Variants in SCD5 observed in about 807,000 individuals in gnomAD.
The protein encoded by SCD5 is acyl-CoA-desaturase 4.
SCD5 carries 20 observed loss-of-function variants against 30.4 expected under a neutral mutation model. The ratio of observed to expected loss-of-function variants is 0.66; its 90% CI spans 0.46 to 0.96. The LOEUF (loss-of-function observed/expected upper bound fraction) is 0.96. SCD5 is among the 40% of genes least tolerant of loss of function. SCD5 has a pLI of 0.00. For missense variants in SCD5, 381 were observed against 443.3 expected (o/e 0.86, Z 1.26); for synonymous variants, 173 against 176.4 (o/e 0.98, Z 0.16).
intron 1 of SCD5, among the ~76,000 whole-genome samples, chr4:82,740,864 G>C (rs1180697588): frequency 1.3e-5 from 2 of 152,046 alleles, no homozygotes; most frequent in Non-Finnish European, 2.9e-5. Context: ...GACAGAGGCA[G>C]AATTCTGTGT....
In SCD5 at chr4:82,636,644, T is replaced by C. The variant is rs1357732790; in HGVS notation, c.749A>G (p.Tyr250Cys). ...CTGCCGAGGGCTGATGTGCTTGTCA[T>C]AGGGCCGGTTTCCATACATGTGGGC... ...SAAHMYGNRP[Y>C]DKHISPRQNP... The change falls in exon 4 of 5, where the codon TAT becomes TGT. Residue 250 changes from tyrosine (Y) to cysteine (C), a missense_variant. Transcript: ENST00000319540. The C allele has an allele frequency of 3.7e-6, 6 of 1,614,076 alleles. No homozygotes were observed. The highest frequency in any genetic ancestry group is 3.3e-4 in the Middle Eastern group (2 of 6,084).
chr4:82,728,840 C>T (rs1245332292), intron 1 of SCD5, among the ~76,000 whole-genome samples: 8 of 152,158 alleles, frequency 5.3e-5, no homozygotes, highest in South Asian at 4.1e-4. Context: ...ACTGCAATGC[C>T]GTTGTCTCAG....
chr4:82,717,051 G>T lies in SCD5; in HGVS notation c.233-11638C>A, dbSNP rs1355725658. Among the ~76,000 whole-genome samples, 6 of 151,726 alleles carry T rather than the reference G, an allele frequency of 4.0e-5. 1 individual carries two copies. Among genetic ancestry groups the T allele is most frequent in the African/African-American group, 1.5e-4 (6 of 41,024 alleles). Reference sequence around the variant, plus strand: ...AAATACTATGCCATTTCATATAAGGGACTCAAGCATCTGTGAATTTTAGTA... The same window carrying T: ...AAATACTATGCCATTTCATATAAGGTACTCAAGCATCTGTGAATTTTAGTA... On this transcript the variant is annotated intron_variant, in intron 1 of 4. Coordinates refer to ENST00000319540, the MANE Select transcript of SCD5 (RefSeq NM_001037582.3).
At chr4:82,640,368 C>T (rs982679928) in intron 3 of SCD5, among the ~76,000 whole-genome samples, 6 of 152,166 alleles carry the variant, frequency 3.9e-5, no homozygotes, top group African/African-American at 1.4e-4. Flanking sequence ...AGGCACATTG[C>T]CTCTTCCTCA....
chr4:82,761,032 T>C (rs1289466930), intron 1 of SCD5, among the ~76,000 whole-genome samples: 1 of 152,214 alleles, frequency 6.6e-6, no homozygotes, highest in Non-Finnish European at 1.5e-5. Context: ...GGAATGGACA[T>C]TCACAGGGAT....
intron 2 of SCD5, among the ~76,000 whole-genome samples, chr4:82,688,886 T>C (rs1728769379): frequency 6.6e-6 from 1 of 152,260 alleles, no homozygotes; most frequent in East Asian, 1.9e-4. Flanking sequence ...AAAAACCACA[T>C]ATTTAACACA....
At chr4:82,641,105 C>T (rs1055032478) in intron 3 of SCD5, among the ~76,000 whole-genome samples, 1 of 151,872 alleles carries the variant, frequency 6.6e-6, no homozygotes, top group Non-Finnish European at 1.5e-5. Flanking sequence ...AGAAGGTGAA[C>T]AAGGCCGGGC....
At chr4:82,768,091 A>G (rs1721531577) in intron 1 of SCD5, among the ~76,000 whole-genome samples, 1 of 152,238 alleles carries the variant, frequency 6.6e-6, no homozygotes, top group Non-Finnish European at 1.5e-5. Flanking sequence ...TATAAAAATA[A>G]TAACTAGCAA....
At chr4:82,783,645 A>C (rs770680110) in intron 1 of SCD5, among the ~76,000 whole-genome samples, 4 of 152,070 alleles carry the variant, frequency 2.6e-5, no homozygotes, top group Admixed American at 6.5e-5. Context: ...CTCTACGAAA[A>C]TAACAAAATT....
chr4:82,679,723 T>C (rs1728527155), intron 3 of SCD5, among the ~76,000 whole-genome samples: 1 of 151,830 alleles, frequency 6.6e-6, no homozygotes, highest in Admixed American at 6.6e-5. Context: ...GCTCTACTGC[T>C]CCCCTCAGCG....
chr4:82,647,941 A>C lies in SCD5; in HGVS notation c.570-11118T>G, dbSNP rs535349456. ...TTTGCCCTCTTAATCACAGTTTATG[A>C]AACAAACTTGACCTTCCTTGATAGT... On this transcript the variant is annotated intron_variant, in intron 3 of 4. Coordinates refer to ENST00000319540, the MANE Select transcript of SCD5 (RefSeq NM_001037582.3). Among the ~76,000 whole-genome samples the C allele has an allele frequency of 2.4e-4, 37 of 152,366 alleles. No homozygotes were observed. The South Asian group carries it at 7.7e-3, about 32-fold the overall frequency.
At chr4:82,631,781 T>A (rs1009005205) in intron 4 of SCD5, among the ~76,000 whole-genome samples, 1 of 152,220 alleles carries the variant, frequency 6.6e-6, no homozygotes, top group African/African-American at 2.4e-5. Context: ...AGAGCTATCC[T>A]TCTTAAGGTA....
At chr4:82,660,631 G>A (rs942241620) in intron 3 of SCD5, 2 of 1,365,316 alleles carry the variant, frequency 1.5e-6, no homozygotes, top group African/African-American at 2.9e-5. Flanking sequence ...TGCTCTAGAT[G>A]TGGAAATAGA....
chr4:82,714,976 C>G (rs956799050), intron 1 of SCD5, among the ~76,000 whole-genome samples: 3 of 151,504 alleles, frequency 2.0e-5, no homozygotes, highest in African/African-American at 7.4e-5. Context: ...GTGGCTCACA[C>G]CTGTTATCCC....
intron 1 of SCD5, among the ~76,000 whole-genome samples, chr4:82,721,615 A>G (rs183835844): frequency 8.1e-4 from 124 of 152,318 alleles, no homozygotes; most frequent in African/African-American, 2.9e-3. Context: ...AGATATACAC[A>G]AAAGGAAAAC....
chr4:82,696,466 G>C (rs1578025860), intron 2 of SCD5, among the ~76,000 whole-genome samples: 1 of 152,334 alleles, frequency 6.6e-6, no homozygotes, highest in East Asian at 1.9e-4. Context: ...AGGCCTCACT[G>C]TGTCTGTTAG....
chr4:82,707,076 C>T (rs1207011891), intron 1 of SCD5, among the ~76,000 whole-genome samples: 4 of 152,176 alleles, frequency 2.6e-5, no homozygotes, highest in Non-Finnish European at 5.9e-5. Flanking sequence ...TTCTATGATC[C>T]TTGTGGAGAC....
intron 1 of SCD5, among the ~76,000 whole-genome samples, chr4:82,766,760 T>G (rs1046763715): frequency 1.3e-5 from 2 of 152,202 alleles, no homozygotes; most frequent in Admixed American, 6.5e-5. Flanking sequence ...TGGAAATAGT[T>G]TGATTCTTTC....
chr4:82,693,787 T>G (rs1414832847), intron 2 of SCD5, among the ~76,000 whole-genome samples: 1 of 152,088 alleles, frequency 6.6e-6, no homozygotes, highest in African/African-American at 2.4e-5. Context: ...CCTGGGTGCA[T>G]GGGAAGGCTG....
Sources: allele counts gnomAD v4.1 joint callset (sites outside exome capture counted in the v4.1 genomes callset), GRCh38; gene constraint gnomAD v4.1.1; transcripts MANE v1.5; gene names NCBI Gene and HGNC (gene_info 2026-07-23, HGNC 2026-07-21).